Variants in SAXO1 observed in about 807,000 individuals in gnomAD.
The protein encoded by SAXO1 is stabilizer of axonemal microtubules 1, also known as 4930500O09Rik.
Under a neutral mutation model 17.5 loss-of-function variants are expected in SAXO1, and 21 were observed. The observed-to-expected ratio is 1.20, with a 90% confidence interval of 0.85 to 1.72. SAXO1 has a LOEUF of 1.72. Ranked by LOEUF, SAXO1 falls within the 40% of genes most tolerant of loss-of-function variation. The probability of loss-of-function intolerance (pLI) is 0.00; values close to 1 mark genes in which losing one functional copy is unlikely to be tolerated. For missense variants in SAXO1, 843 were observed against 596.0 expected (o/e 1.41, Z -4.32); for synonymous variants, 274 against 216.5 (o/e 1.27, Z -2.33).
intron 2 of SAXO1, among the ~76,000 whole-genome samples, chr9:18,947,252 G>C (rs1421101354): frequency 6.6e-6 from 1 of 152,112 alleles, no homozygotes; most frequent in Non-Finnish European, 1.5e-5. Context: ...AAAATTCAAT[G>C]GGCAGTGCAA....
At chr9:18,936,562 C>G (rs1831301347) in intron 3 of SAXO1, among the ~76,000 whole-genome samples, 2 of 152,118 alleles carry the variant, frequency 1.3e-5, no homozygotes, top group African/African-American at 4.8e-5. Context: ...TAGTTGAAAC[C>G]ACATTATTAT....
At chr9:18,953,025 G>A (rs1832100723) in intron 1 of SAXO1, among the ~76,000 whole-genome samples, 1 of 152,162 alleles carries the variant, frequency 6.6e-6, no homozygotes, top group Admixed American at 6.5e-5. Flanking sequence ...CCATTTCTGT[G>A]CTCACAATCG....
At chr9:19,027,107 C>T (rs966168619) in intron 1 of SAXO1, 32 of 939,086 alleles carry the variant, frequency 3.4e-5, no homozygotes, top group Middle Eastern at 4.6e-4. Context: ...CCCTGGTGTA[C>T]CTTGTCTCCA....
intron 1 of SAXO1, among the ~76,000 whole-genome samples, chr9:19,030,835 A>C (rs1045367860): frequency 2.0e-5 from 3 of 152,242 alleles, no homozygotes; most frequent in African/African-American, 7.2e-5. Context: ...TACCAGAATA[A>C]TGTTTGAAGG....
At chr9:19,003,894 G>T (rs1234044543) in intron 1 of SAXO1, among the ~76,000 whole-genome samples, 1 of 152,128 alleles carries the variant, frequency 6.6e-6, no homozygotes, top group Non-Finnish European at 1.5e-5. Context: ...ATAGACAAAT[G>T]GGACCTAATT....
At chr9:18,990,956 G>A (rs1588490535) in intron 1 of SAXO1, among the ~76,000 whole-genome samples, 2 of 152,204 alleles carry the variant, frequency 1.3e-5, no homozygotes, top group South Asian at 2.1e-4. Flanking sequence ...ATATAATAAT[G>A]ATAGAACTAA....
At chr9:19,014,545 A>G (rs1834889775) in intron 1 of SAXO1, among the ~76,000 whole-genome samples, 1 of 152,064 alleles carries the variant, frequency 6.6e-6, no homozygotes, top group African/African-American at 2.4e-5. Context: ...GTTTTAGAAA[A>G]ATTGCTATCG....
intron 1 of SAXO1, among the ~76,000 whole-genome samples, chr9:18,968,557 A>G (rs1201274495): frequency 6.6e-6 from 1 of 151,864 alleles, no homozygotes; most frequent in East Asian, 1.9e-4. Flanking sequence ...TTTTGATGCG[A>G]TAGATAGTGG....
rs1310254150 is a variant in SAXO1 at position 19,049,145 on chromosome 9, T to C, written c.-158+64A>G. 2 of 152,576 alleles carry C rather than the reference T, an allele frequency of 1.3e-5. No individual in the cohort carries two copies. Among genetic ancestry groups the C allele is most frequent in the African/African-American group, 4.8e-5 (2 of 41,466 alleles). The allele number at this position is 152,576 out of a possible 1,614,324, so 9.5% of individuals were successfully genotyped here. On this transcript the variant is annotated intron_variant, in intron 1 of 3. Transcript: ENST00000542071. The surrounding 1 kb of genome is among the most constrained non-coding windows in gnomAD (Gnocchi z 5.4). ...CTCCTAAAGCCAGTTGCGGTGGTGG[T>C]GGCGGTTGGGGCTTTTTTTGGCCAC...
chr9:19,028,132 T>C (rs1835587299), intron 1 of SAXO1: 5 of 1,596,534 alleles, frequency 3.1e-6, no homozygotes, highest in African/African-American at 1.3e-5. Flanking sequence ...GTACTACGCC[T>C]AGGGCACGGC....
At chr9:19,031,612 A>T (rs1303105434) in intron 1 of SAXO1, among the ~76,000 whole-genome samples, 1 of 152,224 alleles carries the variant, frequency 6.6e-6, no homozygotes, top group African/African-American at 2.4e-5. Context: ...GCTTGGTAAC[A>T]TGTAGTCCTA....
rs569921112 is a variant in SAXO1, at chr9:18,976,638, C to T, written c.39-25701G>A. 7.0e-4 allele frequency among the ~76,000 whole-genome samples: 106 copies of T among 151,304 alleles called. 1 individual carries two copies. The highest frequency in any genetic ancestry group is 5.9e-3 in the Admixed American group (90 of 15,218). On this transcript the variant is annotated intron_variant, in intron 1 of 3. Transcript: ENST00000380534. ...TGTAACTATGGGAAAGACTTTCATC[C>T]GCACTCTTTACGAGGTTAATTGTAA...
intron 1 of SAXO1, among the ~76,000 whole-genome samples, chr9:18,988,207 G>C (rs978738698): frequency 1.3e-5 from 2 of 152,210 alleles, no homozygotes; most frequent in Non-Finnish European, 2.9e-5. Context: ...GTGAGTATCA[G>C]CAATAAAAAA....
intron 3 of SAXO1, among the ~76,000 whole-genome samples, chr9:18,940,585 G>A (rs1831509792): frequency 6.6e-6 from 1 of 152,106 alleles, no homozygotes; most frequent in Non-Finnish European, 1.5e-5. Flanking sequence ...AATAAAAGTG[G>A]CCCTCTCTAT....
intron 1 of SAXO1, among the ~76,000 whole-genome samples, chr9:19,007,810 T>C (rs952579185): frequency 6.6e-6 from 1 of 152,252 alleles, no homozygotes. Flanking sequence ...GTGAAAATTG[T>C]ATGTAATTTC....
intron 3 of SAXO1, among the ~76,000 whole-genome samples, chr9:18,936,165 C>A (rs566779303): frequency 5.6e-4 from 85 of 152,272 alleles, no homozygotes; most frequent in African/African-American, 2.0e-3. Context: ...TGATACCACC[C>A]CCTCATCCAC....
At chr9:18,936,727 A>C (rs999476919) in intron 3 of SAXO1, among the ~76,000 whole-genome samples, 1 of 152,224 alleles carries the variant, frequency 6.6e-6, no homozygotes, top group African/African-American at 2.4e-5. Flanking sequence ...AACTTCTTTA[A>C]AAGGGATTCC....
chr9:18,972,932 G>A (rs1436821658), intron 1 of SAXO1, among the ~76,000 whole-genome samples: 3 of 152,090 alleles, frequency 2.0e-5, no homozygotes, highest in Non-Finnish European at 4.4e-5. Context: ...AACAGCCTCC[G>A]GTACTCAGGA....
chr9:18,964,867 T>G (rs978147517), intron 1 of SAXO1, among the ~76,000 whole-genome samples: 3 of 152,216 alleles, frequency 2.0e-5, no homozygotes, highest in Non-Finnish European at 4.4e-5. Flanking sequence ...ATTTTAGATC[T>G]TTCCTGCTTT....
Sources: gnomAD v4.1 joint callset for allele counts (sites outside exome capture counted in the v4.1 genomes callset) on GRCh38, gnomAD v4.1.1 for gene constraint, Gnocchi (gnomAD v3.1) non-coding constraint, MANE v1.5 for transcripts, NCBI Gene and HGNC (gene_info 2026-07-23, HGNC 2026-07-21) for gene names.